Variants in RBFOX1 observed in about 807,000 individuals in gnomAD.
RBFOX1 encodes the protein RNA binding protein fox-1 homolog 1.
In RBFOX1, 8 loss-of-function variants were observed where a neutral mutation model predicts 57.7. The observed-to-expected ratio is 0.14, with a 90% CI of 0.08 to 0.25. The LOEUF is 0.25. RBFOX1 is among the 10% of genes least tolerant of loss of function. RBFOX1 has a pLI of 1.00. For missense variants in RBFOX1, 611 were observed against 548.5 expected (o/e 1.11, Z -1.14); for synonymous variants, 326 against 222.4 (o/e 1.47, Z -4.15).
At chr16:5,262,202 G>A (rs1044741302) in intron 1 of RBFOX1, among the ~76,000 whole-genome samples, 11 of 152,192 alleles carry the variant, frequency 7.2e-5, no homozygotes, top group African/African-American at 2.4e-4. Context: ...CAGTAACGGG[G>A]AGAGAGTAGA....
chr16:7,044,715 CAT>C (rs1338437579), intron 3 of RBFOX1, among the ~76,000 whole-genome samples: 6 of 152,174 alleles, frequency 3.9e-5, no homozygotes, highest in Admixed American at 1.3e-4. Flanking sequence ...AAAAATATCA[CAT>C]GTTAGTTTCC....
chr16:7,466,222 A>G (rs551516429), intron 4 of RBFOX1, among the ~76,000 whole-genome samples: 28 of 152,358 alleles, frequency 1.8e-4, no homozygotes, highest in African/African-American at 6.3e-4. Context: ...TTTATAGAAC[A>G]ACAATCCTTA....
chr16:6,225,731 A>G (rs2097411969), intron 1 of RBFOX1, among the ~76,000 whole-genome samples: 1 of 152,192 alleles, frequency 6.6e-6, no homozygotes, highest in Non-Finnish European at 1.5e-5. Flanking sequence ...GTTTTCAAGT[A>G]ATGTGGGGAA....
At chr16:7,208,170 T>G (rs772433007) in intron 4 of RBFOX1, among the ~76,000 whole-genome samples, 1 of 152,178 alleles carries the variant, frequency 6.6e-6, no homozygotes, top group South Asian at 2.1e-4. Flanking sequence ...GTATCTTACT[T>G]GGGCTGAGGT....
chr16:7,354,012 C>G (rs2097172090), intron 4 of RBFOX1, among the ~76,000 whole-genome samples: 2 of 152,068 alleles, frequency 1.3e-5, no homozygotes, highest in Admixed American at 6.6e-5. Context: ...TGCTCTGTCA[C>G]TCAGGCTGGA....
chr16:7,133,988 A>T (rs1032422373), intron 4 of RBFOX1, among the ~76,000 whole-genome samples: 1 of 152,214 alleles, frequency 6.6e-6, no homozygotes, highest in Non-Finnish European at 1.5e-5. Context: ...TGCGGCATTC[A>T]ATTCTAAGCC....
chr16:5,275,989 A>T (rs1394813804), intron 1 of RBFOX1, among the ~76,000 whole-genome samples: 1 of 152,238 alleles, frequency 6.6e-6, no homozygotes, highest in Non-Finnish European at 1.5e-5. Flanking sequence ...CACATGTAAA[A>T]GAATAAAACT....
intron 3 of RBFOX1, among the ~76,000 whole-genome samples, chr16:6,836,619 G>A (rs138683129): frequency 6.6e-6 from 1 of 152,266 alleles, no homozygotes; most frequent in East Asian, 1.9e-4. Context: ...TGTATCTTCT[G>A]TGAAGGTCTT....
At chr16:7,226,909 A>C (rs553503099) in intron 4 of RBFOX1, among the ~76,000 whole-genome samples, 37 of 152,326 alleles carry the variant, frequency 2.4e-4, no homozygotes, top group African/African-American at 8.4e-4. Flanking sequence ...GGGTATTTTC[A>C]TCTGTGTGTC....
intron 13 of RBFOX1, among the ~76,000 whole-genome samples, chr16:7,666,122 T>C (rs1051413810): frequency 6.6e-6 from 1 of 152,158 alleles, no homozygotes; most frequent in African/African-American, 2.4e-5. Context: ...TTTTCAGACT[T>C]TCAGATTTTA....
At chr16:6,092,675 C>T (rs1231992279) in intron 1 of RBFOX1, 2 of 152,122 alleles carry the variant, frequency 1.3e-5, no homozygotes, top group Non-Finnish European at 2.9e-5. Flanking sequence ...TTTTTGTCAA[C>T]TTTGTCGAAG....
intron 4 of RBFOX1, among the ~76,000 whole-genome samples, chr16:7,162,044 G>A (rs557153797): frequency 2.4e-4 from 36 of 152,306 alleles, no homozygotes; most frequent in African/African-American, 8.7e-4. Flanking sequence ...TGTAACAAGA[G>A]CCTGTTTCCT....
At chr16:5,743,412 C>G (rs2052853535) in intron 3 of RBFOX1, among the ~76,000 whole-genome samples, 1 of 152,048 alleles carries the variant, frequency 6.6e-6, no homozygotes, top group Non-Finnish European at 1.5e-5. Context: ...AGAGCATGTC[C>G]CGTGGAAGGA....
At chr16:6,724,545 A>G (rs970681424) in intron 3 of RBFOX1, among the ~76,000 whole-genome samples, 3 of 152,012 alleles carry the variant, frequency 2.0e-5, no homozygotes, top group Non-Finnish European at 4.4e-5. Flanking sequence ...CCCTCACCAG[A>G]CACCAAATCT....
chr16:5,880,618 C>G (rs1037503757), intron 4 of RBFOX1, among the ~76,000 whole-genome samples: 1 of 152,140 alleles, frequency 6.6e-6, no homozygotes, highest in Non-Finnish European at 1.5e-5. Context: ...TTGGTAGTCA[C>G]TGATGGGTGT....
intron 3 of RBFOX1, among the ~76,000 whole-genome samples, chr16:5,842,656 C>T (rs2056654523): frequency 1.3e-5 from 2 of 152,192 alleles, no homozygotes; most frequent in South Asian, 4.1e-4. Flanking sequence ...CCATGCTCTT[C>T]CTTCAAAGAA....
chr16:5,858,538 A>G (rs549836900), intron 3 of RBFOX1, among the ~76,000 whole-genome samples: 2 of 152,162 alleles, frequency 1.3e-5, no homozygotes, highest in Non-Finnish European at 2.9e-5. Flanking sequence ...GCTCCTCTCA[A>G]AATCGTCTGC....
intron 1 of RBFOX1, among the ~76,000 whole-genome samples, chr16:6,169,994 C>G (rs971732124): frequency 3.3e-5 from 5 of 152,108 alleles, no homozygotes; most frequent in Non-Finnish European, 5.9e-5. Flanking sequence ...GTCTCAAATG[C>G]CTGACCTTAA....
At position 6,779,978 on chromosome 16, in the gene RBFOX1, T is replaced by C. The variant is rs2080306346; in HGVS notation, c.-16+125328T>C. Among the ~76,000 whole-genome samples, 2 of 75,108 alleles carry C rather than the reference T, an allele frequency of 2.7e-5. 1 individual carries two copies. Among genetic ancestry groups the C allele is most frequent in the African/African-American group, 1.2e-4 (2 of 16,346 alleles). The allele number at this position is 75,108 out of a possible 152,430, so 49.3% of individuals were successfully genotyped here. ...ATTTATATATTTATATATATTTATA[T>C]ATTTATATATTTATATATTTATATA... On this transcript the variant is annotated intron_variant, in intron 3 of 15. Transcript: ENST00000550418.
Sources: gnomAD v4.1 joint callset for allele counts (sites outside exome capture counted in the v4.1 genomes callset) on GRCh38, gnomAD v4.1.1 for gene constraint, MANE v1.5 for transcripts, NCBI Gene and HGNC (gene_info 2026-07-23, HGNC 2026-07-21) for gene names.